PLG: variants seen among roughly 807,000 people sequenced by gnomAD.
PLG encodes plasminogen, also known as plasmin.
In PLG, 41 loss-of-function variants were observed where a neutral mutation model predicts 104.4. That is an observed-to-expected ratio of 0.39 (90% CI 0.31 to 0.51). PLG has a LOEUF of 0.51. PLG is among the 20% of genes least tolerant of loss of function. The pLI is 0.76. For missense variants in PLG, 891 were observed against 1,003.6 expected, an observed-to-expected ratio of 0.89 and a Z score of 1.52; for synonymous variants, 337 against 357.1, an observed-to-expected ratio of 0.94 and a Z score of 0.63.
intron 10 of PLG, among the ~76,000 whole-genome samples, chr6:160,722,977 A>G (rs1310095012): frequency 6.6e-6 from 1 of 151,996 alleles, no homozygotes; most frequent in Non-Finnish European, 1.5e-5. Context: ...TTGGGTCACA[A>G]GTAAATATAC....
In PLG at chr6:160,739,836, C is replaced by T. The variant is rs1411679376; in HGVS notation, c.2018+628C>T. 6.6e-6 allele frequency among the ~76,000 whole-genome samples: 1 copy of T among 150,472 alleles called. No individual in the cohort carries two copies. The highest frequency in any genetic ancestry group is 6.6e-5 in the Admixed American group (1 of 15,122). On this transcript the variant is annotated intron_variant, in intron 16 of 18. Coordinates refer to ENST00000308192, the MANE Select transcript of PLG (RefSeq NM_000301.5). This position sits in a 1 kb window ranked among gnomAD's most constrained non-coding sequence, Gnocchi z 4.4. ...CACAATGTCAAAAAAATCACAAATA[C>T]AGTTTATAAATGTAAATTATATTAT... is the stretch of plus-strand genomic sequence containing the variant.
Position 160,738,327 on chromosome 6 carries a change from G to A in PLG, c.1803-211G>A, listed in dbSNP as rs1387357215. ...CATGCCTGTGCCTCCCCCAAGCATC[G>A]GAAAAATTGGCATAGATGGGCCCTT... On this transcript the variant is annotated intron_variant, in intron 14 of 18. Transcript: ENST00000308192. This position sits in a 1 kb window ranked among gnomAD's most constrained non-coding sequence, Gnocchi z 6.8. The A allele has an allele frequency of 8.6e-5, 49 of 571,556 alleles. No individual in the cohort carries two copies. The highest frequency in any genetic ancestry group is 8.4e-4 in the Admixed American group (35 of 41,448). The allele number at this position is 571,556 out of a possible 1,614,324, so 35.4% of individuals were successfully genotyped here.
intron 7 of PLG, among the ~76,000 whole-genome samples, chr6:160,717,203 G>T (rs1185226596): frequency 1.3e-5 from 2 of 152,104 alleles, no homozygotes; most frequent in Non-Finnish European, 2.9e-5. Context: ...GGGAGCAGAG[G>T]GTGAGTGGTG....
rs912565058 is a variant in PLG, at chr6:160,753,417, T to G, written c.*356T>G. On this transcript the variant is annotated 3_prime_UTR_variant, in exon 19 of 19. Coordinates refer to ENST00000308192, the MANE Select transcript of PLG (RefSeq NM_000301.5). This position sits in a 1 kb window ranked among gnomAD's most constrained non-coding sequence, Gnocchi z 5.4. ...CAGCTGCACAAAGGACTGAGCAGGCTGCAAGGTCACAGAGGGGAGAGCCAA... is the reference window on the plus strand; with the variant it reads ...CAGCTGCACAAAGGACTGAGCAGGCGGCAAGGTCACAGAGGGGAGAGCCAA... The G allele has an allele frequency of 2.7e-6, 1 of 368,620 alleles. No individual in the cohort carries two copies. The highest frequency in any genetic ancestry group is 2.1e-5 in the African/African-American group (1 of 47,514). The allele number at this position is 368,620 out of a possible 1,614,324, so 22.8% of individuals were successfully genotyped here.
chr6:160,711,819 T>G (rs1473729738), intron 4 of PLG: 18 of 1,492,366 alleles, frequency 1.2e-5, no homozygotes, highest in Middle Eastern at 2.5e-4. Context: ...TCATCACATG[T>G]TCGACTCAAA....
At position 160,741,178 on chromosome 6, in the gene PLG, G is replaced by C. The variant is rs779226805; in HGVS notation, c.2019-133G>C. 2.8e-6 allele frequency: 2 copies of C among 711,176 alleles called. No individual in the cohort carries two copies. The highest frequency in any genetic ancestry group is 2.0e-5 in the Admixed American group (1 of 50,556). 44.1% of individuals were successfully genotyped at this position (711,176 alleles called of 1,614,324 possible). On this transcript the variant is annotated intron_variant, in intron 16 of 18. Transcript: ENST00000308192. The surrounding 1 kb of genome is among the most constrained non-coding windows in gnomAD (Gnocchi z 4.7). ...GTGAGGGTGAAACTCTGTGTTCTAC[G>C]TTGCTCTGTGTCAGTGAAGCAAGGC...
intron 5 of PLG, among the ~76,000 whole-genome samples, 147 bp from the exon 6 acceptor site, chr6:160,714,635 CTTATTGCCAATT>C (rs147901890): frequency 0.21 from 31,711 of 152,084 alleles, 3,897 homozygotes; most frequent in Non-Finnish European, 0.29. Flanking sequence ...ATCCTGAGTC[CTTATTGCCAATT>C]TTATTGCCAA....
rs149145958 is a variant in PLG at position 160,714,844 on chromosome 6, A to T, written c.598A>T (p.Thr200Ser). 5 of 1,612,772 alleles carry T rather than the reference A, an allele frequency of 3.1e-6. No homozygotes were observed. The highest frequency in any genetic ancestry group is 3.4e-6 in the Non-Finnish European group (4 of 1,178,832). ...GENYDGKISK[T>S]MSGLECQAWD... is the part of the protein sequence containing the mutation. ...AAACTATGACGGCAAAATTTCCAAG[A>T]CCATGTCTGGACTGGAATGCCAGGC... The change falls in exon 6 of 19, where the codon ACC becomes TCC. Residue 200 changes from threonine to serine, a missense_variant. Transcript: ENST00000308192.
chr6:160,711,806 C>T lies in PLG; in HGVS notation c.407+615C>T, dbSNP rs144914409. 2,623 of 1,531,620 alleles carry T rather than the reference C, an allele frequency of 1.7e-3. 4 individuals carry two copies. The highest frequency in any genetic ancestry group is 2.3e-3 in the Admixed American group (104 of 44,652). The allele number at this position is 1,531,620 out of a possible 1,614,324, so 94.9% of individuals were successfully genotyped here. ...CTGAAGTAAGCATATCAGGTTAGAA[C>T]TCTCATCACATGTTCGACTCAAATT... On this transcript the variant is annotated intron_variant, in intron 4 of 18. Coordinates refer to ENST00000308192, the MANE Select transcript of PLG (RefSeq NM_000301.5).
intron 12 of PLG, among the ~76,000 whole-genome samples, chr6:160,733,288 G>C (rs1007377083): frequency 3.9e-5 from 6 of 152,166 alleles, no homozygotes; most frequent in African/African-American, 1.4e-4. Context: ...CAGCAAACAG[G>C]CTTCATCGGG....
At chr6:160,733,871 A>T in intron 12 of PLG, 124 bp from the exon 13 acceptor site, 2 of 538,800 alleles carry the variant, frequency 3.7e-6, no homozygotes, top group African/African-American at 2.0e-5. Flanking sequence ...AAAAAAAAGA[A>T]GGAAGGAAAA....
At chr6:160,712,162 C>CCCCT (rs2115157231) in intron 4 of PLG, 1 of 166,974 alleles carries the variant, frequency 6.0e-6, no homozygotes, top group African/African-American at 2.4e-5. Context: ...CACTCTGGGC[C>CCCCT]ATTTTTATGA....
rs779248927 is a variant in PLG, at chr6:160,736,888, G to T, written c.1683G>T (p.Ala561=). 9.3e-6 allele frequency: 15 copies of T among 1,613,704 alleles called. No individual in the cohort carries two copies. In the South Asian group the frequency reaches 1.6e-4, roughly 18 times the overall value. The change falls in exon 14 of 19, where the codon GCG becomes GCT. Residue 561 remains alanine, a splice_region_variant and synonymous_variant. Coordinates refer to ENST00000308192, the MANE Select transcript of PLG (RefSeq NM_000301.5). The surrounding 1 kb of genome is among the most constrained non-coding windows in gnomAD (Gnocchi z 5.2). The part of the protein sequence containing the change: ...LYDYCDVPQC[A]APSFDCGKPQ... ...TTTCTTTCCCACCTTGTGCCACAGCGGCCCCTTCATTTGATTGTGGGAAGC... is the reference window on the plus strand; with the variant it reads ...TTTCTTTCCCACCTTGTGCCACAGCTGCCCCTTCATTTGATTGTGGGAAGC...
chr6:160,702,805 G>A (rs371109909), intron 1 of PLG, among the ~76,000 whole-genome samples: 16 of 152,222 alleles, frequency 1.1e-4, no homozygotes, highest in East Asian at 7.7e-4. Context: ...CGGCAGGGTC[G>A]GGGACTCAGC....
chr6:160,718,657 T>C (rs759570668), intron 8 of PLG, 36 bp from the exon 9 acceptor site: 1 of 1,611,612 alleles, frequency 6.2e-7, no homozygotes, highest in Admixed American at 1.7e-5. Context: ...CTTTTTTCTT[T>C]TTGGAAAGCT....
intron 10 of PLG, among the ~76,000 whole-genome samples, chr6:160,727,524 T>C (rs1040430910): frequency 2.0e-5 from 3 of 151,142 alleles, no homozygotes; most frequent in African/African-American, 7.3e-5. Context: ...TTATGTATTG[T>C]GAACATAAAT....
In PLG at chr6:160,724,147, A is replaced by G. The variant is rs1160964159; in HGVS notation, c.1256+1580A>G. 6.6e-6 allele frequency among the ~76,000 whole-genome samples: 1 copy of G among 152,242 alleles called. No homozygotes were observed. Among genetic ancestry groups the G allele is most frequent in the Non-Finnish European group, 1.5e-5 (1 of 68,048 alleles). ...AACCAGGAGAAAAAGCACTCAAAAC[A>G]AATAAACCCCAAAATGAAGAAATTG... On this transcript the variant is annotated intron_variant, in intron 10 of 18. Transcript: ENST00000308192. This position sits in a 1 kb window ranked among gnomAD's most constrained non-coding sequence, Gnocchi z 5.0.
chr6:160,724,900 T>C lies in PLG; in HGVS notation c.1256+2333T>C. 6.6e-6 allele frequency among the ~76,000 whole-genome samples: 1 copy of C among 152,186 alleles called. No homozygotes were observed. Among genetic ancestry groups the C allele is most frequent in the East Asian group, 1.9e-4 (1 of 5,198 alleles). On this transcript the variant is annotated intron_variant, in intron 10 of 18. Transcript: ENST00000308192. The surrounding 1 kb of genome is among the most constrained non-coding windows in gnomAD (Gnocchi z 5.0). ...TGCCAGATGGGAACTTTATACTAAG[T>C]AATGAAGAACCCTGGAAATGGCAAA...
At chr6:160,712,952 T>C (rs1241838896) in intron 4 of PLG, 34 bp from the exon 5 acceptor site, 1 of 1,580,600 alleles carries the variant, frequency 6.3e-7, no homozygotes, top group Admixed American at 1.7e-5. Flanking sequence ...ATTTTTAGAA[T>C]ATAGTCTAAG....
Sources: gnomAD v4.1 joint callset for allele counts (sites outside exome capture counted in the v4.1 genomes callset) on GRCh38, gnomAD v4.1.1 for gene constraint, Gnocchi (gnomAD v3.1) non-coding constraint, MANE v1.5 for transcripts, NCBI Gene and HGNC (gene_info 2026-07-23, HGNC 2026-07-21) for gene names.